ZMYND8: variants seen among roughly 807,000 people sequenced by gnomAD.
ZMYND8 encodes the protein zinc finger MYND-type containing 8.
A neutral mutation model predicts 140.8 loss-of-function variants in ZMYND8; 37 were observed. The observed-to-expected ratio is 0.26, with a 90% confidence interval of 0.20 to 0.35. The LOEUF (loss-of-function observed/expected upper bound fraction) is 0.35, where lower values mean the gene tolerates loss of function less well. ZMYND8 is among the 10% of genes least tolerant of loss of function. ZMYND8 has a pLI of 1.00. For missense variants in ZMYND8, 1,068 were observed against 1,570.0 expected, an observed-to-expected ratio of 0.68 and a Z score of 5.40; for synonymous variants, 592 against 597.1, an observed-to-expected ratio of 0.99 and a Z score of 0.12.
At chr20:47,343,744 G>C (rs542008891) in intron 2 of ZMYND8, among the ~76,000 whole-genome samples, 1 of 152,098 alleles carries the variant, frequency 6.6e-6, no homozygotes, top group East Asian at 1.9e-4. Flanking sequence ...TGATCTGCCC[G>C]CCTTGGCCTC....
chr20:47,256,568 C>T (rs1412828420), intron 12 of ZMYND8, among the ~76,000 whole-genome samples: 4 of 152,236 alleles, frequency 2.6e-5, no homozygotes, highest in African/African-American at 9.6e-5. Flanking sequence ...TACAGTGAGC[C>T]GAGATCGCGC....
chr20:47,237,017 A>C (rs544288155), intron 15 of ZMYND8, among the ~76,000 whole-genome samples: 2 of 152,268 alleles, frequency 1.3e-5, no homozygotes, highest in East Asian at 3.9e-4. Context: ...ATCAAAGTTA[A>C]TTTCAGCTTA....
intron 21 of ZMYND8, among the ~76,000 whole-genome samples, chr20:47,214,373 A>T (rs1014537239): frequency 6.6e-6 from 1 of 152,240 alleles, no homozygotes; most frequent in Non-Finnish European, 1.5e-5. Flanking sequence ...ACACTCTCAG[A>T]ATCACTGCGG....
At chr20:47,352,185 C>G (rs753587894) in intron 1 of ZMYND8, among the ~76,000 whole-genome samples, 1 of 152,178 alleles carries the variant, frequency 6.6e-6, no homozygotes, top group Non-Finnish European at 1.5e-5. Context: ...AGCCCGGTCC[C>G]CCTTCTCTTC....
chr20:47,325,067 G>A (rs2080301084), intron 2 of ZMYND8, among the ~76,000 whole-genome samples: 1 of 152,034 alleles, frequency 6.6e-6, no homozygotes, highest in African/African-American at 2.4e-5. Flanking sequence ...ACCACGCCCA[G>A]CTAATTTTTG....
chr20:47,346,993 G>T (rs920481988), intron 2 of ZMYND8, among the ~76,000 whole-genome samples: 5 of 152,174 alleles, frequency 3.3e-5, no homozygotes, highest in Non-Finnish European at 7.3e-5. Flanking sequence ...AGCCAAATGA[G>T]AATCTCCTTC....
intron 11 of ZMYND8, among the ~76,000 whole-genome samples, chr20:47,265,708 G>A (rs1380882836): frequency 6.6e-6 from 1 of 152,150 alleles, no homozygotes. Context: ...CTCCCAAAGT[G>A]CTGGGATTAC....
chr20:47,294,099 C>T (rs2077479310), intron 5 of ZMYND8, among the ~76,000 whole-genome samples: 1 of 152,016 alleles, frequency 6.6e-6, no homozygotes, highest in African/African-American at 2.4e-5. Context: ...TGTAATCCCA[C>T]CATATTGGGA....
At chr20:47,318,445 C>T in intron 2 of ZMYND8, 1 of 337,502 alleles carries the variant, frequency 3.0e-6, no homozygotes, top group South Asian at 2.3e-5. Context: ...TTGGGGCCCT[C>T]CCCAACCAGT....
rs200126784 is a variant in ZMYND8 at position 47,224,498 on chromosome 20, G to A, written c.3075C>T (p.Ala1025=). 20 of 1,614,140 alleles carry A rather than the reference G, an allele frequency of 1.2e-5. No homozygotes were observed. The highest frequency in any genetic ancestry group is 1.1e-4 in the East Asian group (5 of 44,880). ...SLEQERDRLI[A]EVKKQLELEK... is the part of the protein sequence containing the mutation. ...CCAACTCCAGCTGCTTCTTCACCTCGGCGATGAGCCGGTCCCGCTCCTGCT... is the reference window on the plus strand; with the variant it reads ...CCAACTCCAGCTGCTTCTTCACCTCAGCGATGAGCCGGTCCCGCTCCTGCT... Residue 1025 remains alanine (A), a synonymous_variant, in exon 19 of 23, where the codon GCC becomes GCT. Transcript: ENST00000471951.
intron 8 of ZMYND8, 130 bp downstream of exon 8, chr20:47,287,099 T>A: frequency 1.4e-6 from 1 of 721,440 alleles, no homozygotes; most frequent in Non-Finnish European, 2.5e-6. Context: ...CCTTGAAGAG[T>A]AGGGGTGTGG....
intron 2 of ZMYND8, chr20:47,319,014 G>T (rs539140750): frequency 2.4e-5 from 33 of 1,351,236 alleles, no homozygotes; most frequent in Non-Finnish European, 3.0e-5. Flanking sequence ...GAGAACAGAG[G>T]CTCACCCACA....
intron 2 of ZMYND8, among the ~76,000 whole-genome samples, chr20:47,334,595 G>GAAAAA (rs58024466): frequency 5.0e-5 from 7 of 139,266 alleles, no homozygotes; most frequent in African/African-American, 1.9e-4. Flanking sequence ...ACAACTCTGT[G>GAAAAA]AAAAAAAAAA....
At chr20:47,313,781 A>G (rs1175454974) in intron 2 of ZMYND8, among the ~76,000 whole-genome samples, 1 of 150,866 alleles carries the variant, frequency 6.6e-6, no homozygotes, top group Non-Finnish European at 1.5e-5. Flanking sequence ...AAAATACAAA[A>G]AACTAGCTGG....
chr20:47,299,768 G>T (rs1164867769), intron 3 of ZMYND8, among the ~76,000 whole-genome samples: 2 of 151,990 alleles, frequency 1.3e-5, no homozygotes, highest in African/African-American at 4.8e-5. Flanking sequence ...ATTTTTAGTA[G>T]AGATGGGGTT....
intron 2 of ZMYND8, among the ~76,000 whole-genome samples, chr20:47,342,474 G>A (rs2081976795): frequency 6.6e-6 from 1 of 150,830 alleles, no homozygotes; most frequent in Admixed American, 6.6e-5. Flanking sequence ...TTGAACCAGG[G>A]AAGTGGAGGT....
chr20:47,269,405 C>T (rs765624675), intron 11 of ZMYND8, among the ~76,000 whole-genome samples: 15 of 152,126 alleles, frequency 9.9e-5, no homozygotes, highest in Non-Finnish European at 1.8e-4. Flanking sequence ...AAACCTGCTT[C>T]GAATCACTCC....
chr20:47,266,225 C>A (rs1033901549), intron 11 of ZMYND8, among the ~76,000 whole-genome samples: 2 of 150,420 alleles, frequency 1.3e-5, no homozygotes, highest in Admixed American at 6.7e-5. Flanking sequence ...CCACGGCCAC[C>A]CACCTGGTGG....
chr20:47,238,431 T>TA (rs2039517222), intron 15 of ZMYND8: 14 of 427,404 alleles, frequency 3.3e-5, no homozygotes, highest in South Asian at 3.2e-4. Context: ...CAACGGTTGA[T>TA]ACTGGCCACT....
Sources: allele counts gnomAD v4.1 joint callset (sites outside exome capture counted in the v4.1 genomes callset), GRCh38; gene constraint gnomAD v4.1.1; transcripts MANE v1.5; gene names NCBI Gene and HGNC (gene_info 2026-07-23, HGNC 2026-07-21).